Variants in PATL2 observed in about 807,000 individuals in gnomAD.
PATL2 encodes the protein PAT1 homolog 2, also known as protein PAT1 homolog 2.
In PATL2, 73 loss-of-function variants were observed where a neutral mutation model predicts 77.0. That is an observed-to-expected ratio of 0.95 (90% confidence interval 0.78 to 1.15). PATL2 has a LOEUF of 1.15. PATL2 is among the 50% of genes most tolerant of loss of function. PATL2 has a pLI of 0.00. For synonymous variants in PATL2, 265 were observed against 257.1 expected (o/e 1.03, Z -0.29); for missense variants, 618 against 655.4 (o/e 0.94, Z 0.62).
At chr15:44,699,494 A>G (rs2086582389) in intron 3 of PATL2, among the ~76,000 whole-genome samples, 1 of 152,038 alleles carries the variant, frequency 6.6e-6, no homozygotes, top group Admixed American at 6.6e-5. Flanking sequence ...GTGCATCAAC[A>G]TGCCCAGCTA....
intron 7 of PATL2, 64 bp from the exon 8 acceptor site, chr15:44,672,520 CATTCAGCCCA>C: frequency 6.8e-7 from 1 of 1,464,298 alleles, no homozygotes; most frequent in Admixed American, 2.0e-5. Context: ...CCCCTCCATT[CATTCAGCCCA>C]GGTCAGCTCT....
At chr15:44,695,121 G>A (rs1177895319) in intron 3 of PATL2, among the ~76,000 whole-genome samples, 6 of 152,040 alleles carry the variant, frequency 3.9e-5, no homozygotes, top group African/African-American at 1.4e-4. Context: ...CCGGGAGGTG[G>A]AGGTTGCAGT....
At chr15:44,708,317 C>T (rs2086782296) in intron 3 of PATL2, among the ~76,000 whole-genome samples, 1 of 152,176 alleles carries the variant, frequency 6.6e-6, no homozygotes, top group Admixed American at 6.5e-5. Context: ...TCTTGCTCCA[C>T]CTCCCCTAGC....
chr15:44,669,989 C>G lies in PATL2; in HGVS notation c.756G>C (p.Pro252=). The G allele has an allele frequency of 6.5e-7, 1 of 1,548,722 alleles. No homozygotes were observed. Among genetic ancestry groups the G allele is most frequent in the Non-Finnish European group, 8.7e-7 (1 of 1,145,748 alleles). The change falls in exon 10 of 18, where the codon CCG becomes CCC. Residue 252 remains proline, a synonymous_variant. Transcript: ENST00000682850. ...TACCGGACTCATAAGCCTCTGCCTT[C>G]GGAATGTAAGGCGTTACCAGCTTGA... is the stretch of plus-strand genomic sequence containing the variant. ...ESLKLVTPYI[P]KAEAYESVVR...
chr15:44,668,862 T>C (rs2085515586), intron 14 of PATL2, 118 bp downstream of exon 14: 8 of 1,249,736 alleles, frequency 6.4e-6, no homozygotes, highest in Non-Finnish European at 7.6e-6. Context: ...AAGGCCAGCA[T>C]CCCTCGCTGT....
Position 44,675,590 on chromosome 15 carries a change from C to CCA in PATL2, c.117_118insTG (p.Glu40TrpfsTer16), listed in dbSNP as rs1461834169. 12 of 1,551,682 alleles carry CCA rather than the reference C, an allele frequency of 7.7e-6. No homozygotes were observed. In the Admixed American group the frequency reaches 2.0e-4, roughly 25 times the overall value. On this transcript the variant is annotated frameshift_variant, in exon 5 of 18. Coordinates refer to ENST00000682850, the MANE Select transcript of PATL2 (RefSeq NM_001387263.1). LOFTEE classifies it high-confidence loss of function. ...GGGTCCAGATCCTCCTCGTCCTCCTCCTCTTCCTCCTCCTCCCCTTCATTC... is the reference window on the plus strand; with the variant it reads ...GGGTCCAGATCCTCCTCGTCCTCCTCCACTCTTCCTCCTCCTCCCCTTCATTC...
intron 3 of PATL2, among the ~76,000 whole-genome samples, chr15:44,686,449 G>A (rs2086259522): frequency 6.6e-6 from 1 of 152,098 alleles, no homozygotes; most frequent in African/African-American, 2.4e-5. Context: ...GCCCACAAGA[G>A]GAAGTAGGAA....
At chr15:44,705,629 T>A (rs1275037791) in intron 3 of PATL2, among the ~76,000 whole-genome samples, 3 of 152,214 alleles carry the variant, frequency 2.0e-5, no homozygotes. Flanking sequence ...TTCTTCCACT[T>A]GATCAGTTCT....
chr15:44,670,756 C>T (rs1212517156), intron 9 of PATL2, among the ~76,000 whole-genome samples: 1 of 152,246 alleles, frequency 6.6e-6, no homozygotes, highest in African/African-American at 2.4e-5. Context: ...AGTACCCACA[C>T]ACTGCATACC....
At chr15:44,682,232 C>T (rs1422217273) in intron 3 of PATL2, among the ~76,000 whole-genome samples, 1 of 152,192 alleles carries the variant, frequency 6.6e-6, no homozygotes, top group African/African-American at 2.4e-5. Flanking sequence ...TTCTAATATT[C>T]TAGTTATTCA....
At chr15:44,695,185 CAA>C (rs879624743) in intron 3 of PATL2, among the ~76,000 whole-genome samples, 5 of 132,228 alleles carry the variant, frequency 3.8e-5, no homozygotes, top group Non-Finnish European at 4.9e-5. Flanking sequence ...GAGACTCCCT[CAA>C]AAAAAAAAAA....
chr15:44,667,183 A>G lies in PATL2; in HGVS notation c.1386T>C (p.Tyr462=), dbSNP rs1307456902. The change falls in exon 16 of 18, where the codon TAT becomes TAC. Residue 462 remains tyrosine, a synonymous_variant. Transcript: ENST00000682850. ...GTTGCTCCCCATGGCTCAGCAGGGC[A>G]TAGAGCAAAGATATTCCAAACTGCA... ...LQNQFGISLL[Y]ALLSHGEQLV... is the part of the protein sequence containing the mutation. 1.9e-6 allele frequency: 3 copies of G among 1,551,664 alleles called. No individual in the cohort carries two copies.
chr15:44,691,329 G>T lies in PATL2; in HGVS notation c.-75-14764C>A, dbSNP rs145918368. Among the ~76,000 whole-genome samples the T allele has an allele frequency of 5.0e-3, 768 of 152,182 alleles. 7 individuals carry two copies. Among genetic ancestry groups the T allele is most frequent in the African/African-American group, 0.018 (745 of 41,526 alleles). ...TCTGTGATTAATCTATAACTGCTAC[G>T]CTTACAGAGAAACTTCTAGGCAGGA... On this transcript the variant is annotated intron_variant, in intron 3 of 17. Transcript: ENST00000682850.
intron 3 of PATL2, among the ~76,000 whole-genome samples, chr15:44,701,359 T>G (rs780661755): frequency 2.1e-4 from 32 of 151,906 alleles, no homozygotes; most frequent in Non-Finnish European, 4.1e-4. Context: ...TCAGAATAGT[T>G]TGAGTAGGGT....
chr15:44,691,795 CAAAT>C (rs1387210488), intron 3 of PATL2, among the ~76,000 whole-genome samples: 4 of 152,046 alleles, frequency 2.6e-5, no homozygotes, highest in African/African-American at 9.6e-5. Context: ...GACTCTGTCT[CAAAT>C]AAATAGATAA....
At chr15:44,696,480 GA>G (rs1212134419) in intron 3 of PATL2, among the ~76,000 whole-genome samples, 1 of 152,070 alleles carries the variant, frequency 6.6e-6, no homozygotes, top group Non-Finnish European at 1.5e-5. Flanking sequence ...TGTACTACTT[GA>G]TTTTTTTTAC....
chr15:44,685,423 A>G (rs1382899661), intron 3 of PATL2, among the ~76,000 whole-genome samples: 2 of 152,214 alleles, frequency 1.3e-5, no homozygotes, highest in African/African-American at 2.4e-5. Context: ...CCTGGCCAAC[A>G]TGGTGAAACC....
At chr15:44,666,368 G>A (rs1204870059) in intron 17 of PATL2, 24 bp downstream of exon 17, 30 of 1,551,318 alleles carry the variant, frequency 1.9e-5, no homozygotes, top group Non-Finnish European at 2.5e-5. Context: ...AAGGGGCTTT[G>A]ACCTTGTTTC....
At position 44,675,527 on chromosome 15, in the gene PATL2, G is replaced by A. The variant is rs2085909412; in HGVS notation, c.181C>T (p.Leu61Phe). Reference sequence around the variant, plus strand: ...GCACCAAGTACAGCTGGATCCCCAAGATCATTCTCTTCCTCCTCTAGGTCT... The same window carrying A: ...GCACCAAGTACAGCTGGATCCCCAAAATCATTCTCTTCCTCCTCTAGGTCT... The part of the protein sequence containing the change: ...DPDLEEEEND[L>F]GDPAVLGAVH... Residue 61 changes from leucine (L) to phenylalanine (F), a missense_variant, in exon 5 of 18, where the codon CTT becomes TTT. By Grantham distance (22) the Leu-to-Phe change is conservative. Transcript: ENST00000682850. The A allele has an allele frequency of 6.4e-7, 1 of 1,551,694 alleles. No individual in the cohort carries two copies. Among genetic ancestry groups the A allele is most frequent in the Non-Finnish European group, 8.7e-7 (1 of 1,147,022 alleles).
Sources: allele counts gnomAD v4.1 joint callset (sites outside exome capture counted in the v4.1 genomes callset), GRCh38; gene constraint gnomAD v4.1.1; transcripts MANE v1.5; gene names NCBI Gene and HGNC (gene_info 2026-07-23, HGNC 2026-07-21).